The following MACROD2 variants were observed in gnomAD, a reference collection of about 807,000 sequenced individuals.
MACROD2 encodes the protein mono-ADP ribosylhydrolase 2, also known as ADP-ribose glycohydrolase MACROD2.
In MACROD2, 36 loss-of-function variants were observed where a neutral mutation model predicts 70.4. That is an observed-to-expected ratio of 0.51 (90% CI 0.39 to 0.68). MACROD2 has a LOEUF of 0.68. Among genes scored for constraint, MACROD2 ranks in the 30% least tolerant of loss-of-function variants. MACROD2 has a pLI of 0.00. For synonymous variants in MACROD2, 172 were observed against 178.8 expected (o/e 0.96, Z 0.30); for missense variants, 496 against 538.4 (o/e 0.92, Z 0.78).
At chr20:14,671,899 A>T (rs2070799642) in intron 4 of MACROD2, among the ~76,000 whole-genome samples, 1 of 152,174 alleles carries the variant, frequency 6.6e-6, no homozygotes, top group Admixed American at 6.5e-5. Flanking sequence ...CTGACACATG[A>T]ATCTTTCATG....
chr20:15,038,470 A>G (rs2075331093), intron 5 of MACROD2, among the ~76,000 whole-genome samples: 1 of 152,164 alleles, frequency 6.6e-6, no homozygotes, highest in South Asian at 2.1e-4. Flanking sequence ...CAGTGTATTT[A>G]TCTTGTGCTC....
intron 12 of MACROD2, among the ~76,000 whole-genome samples, chr20:15,939,678 C>G (rs1214649006): frequency 6.6e-6 from 1 of 151,630 alleles, no homozygotes; most frequent in African/African-American, 2.4e-5. Flanking sequence ...TCAAGTCTTT[C>G]TATTTAAGAA....
chr20:14,312,626 A>G (rs932564474), intron 3 of MACROD2, among the ~76,000 whole-genome samples: 1 of 151,968 alleles, frequency 6.6e-6, no homozygotes, highest in Non-Finnish European at 1.5e-5. Flanking sequence ...ATCAGATTTC[A>G]GAATCTACAC....
At chr20:15,970,285 G>A (rs2066210435) in intron 13 of MACROD2, among the ~76,000 whole-genome samples, 1 of 152,096 alleles carries the variant, frequency 6.6e-6, no homozygotes, top group Non-Finnish European at 1.5e-5. Flanking sequence ...CAAGGTAAAT[G>A]GTAGTTACTG....
chr20:15,632,211 A>AAAT (rs1264130047), intron 8 of MACROD2, among the ~76,000 whole-genome samples: 1 of 151,618 alleles, frequency 6.6e-6, no homozygotes, highest in East Asian at 1.9e-4. Flanking sequence ...AATAAAAATA[A>AAAT]AATAAATAAA....
intron 3 of MACROD2, among the ~76,000 whole-genome samples, chr20:14,293,118 A>T (rs936658244): frequency 6.6e-6 from 1 of 151,828 alleles, no homozygotes; most frequent in Admixed American, 6.6e-5. Context: ...GAGAGAATAT[A>T]TATTAACACA....
chr20:15,905,688 T>G (rs2065136834), intron 10 of MACROD2, among the ~76,000 whole-genome samples: 1 of 152,236 alleles, frequency 6.6e-6, no homozygotes, highest in Non-Finnish European at 1.5e-5. Flanking sequence ...TGTTGAATTT[T>G]CATGTTACGA....
At chr20:14,109,962 A>T (rs964715901) in intron 3 of MACROD2, among the ~76,000 whole-genome samples, 2 of 152,018 alleles carry the variant, frequency 1.3e-5, no homozygotes, top group Admixed American at 1.3e-4. Flanking sequence ...ATGAATATTG[A>T]TACAAAAATC....
intron 5 of MACROD2, among the ~76,000 whole-genome samples, chr20:14,686,205 C>T (rs919531658): frequency 2.0e-5 from 3 of 151,930 alleles, no homozygotes; most frequent in Non-Finnish European, 4.4e-5. Context: ...TGCTTGAGAC[C>T]AGACATGATT....
chr20:14,801,355 A>G (rs539818367), intron 5 of MACROD2, among the ~76,000 whole-genome samples: 12 of 152,142 alleles, frequency 7.9e-5, no homozygotes, highest in East Asian at 1.9e-4. Flanking sequence ...CATTAGACCA[A>G]TTTGTCCACT....
At chr20:15,699,585 CA>C (rs2050425743) in intron 8 of MACROD2, among the ~76,000 whole-genome samples, 1 of 152,118 alleles carries the variant, frequency 6.6e-6, no homozygotes, top group Non-Finnish European at 1.5e-5. Flanking sequence ...CAGAAAGCAT[CA>C]GAGCCGCCGC....
At chr20:15,031,026 C>T (rs960039625) in intron 5 of MACROD2, among the ~76,000 whole-genome samples, 2 of 152,224 alleles carry the variant, frequency 1.3e-5, no homozygotes, top group Non-Finnish European at 2.9e-5. Context: ...GAGCTAGGCA[C>T]GGAGCAGTGA....
chr20:15,152,063 G>T (rs1047969082), intron 5 of MACROD2, among the ~76,000 whole-genome samples: 2 of 151,968 alleles, frequency 1.3e-5, no homozygotes. Context: ...ATGTGTAAAA[G>T]AATGCCTGGA....
intron 12 of MACROD2, among the ~76,000 whole-genome samples, chr20:15,955,870 T>C (rs2065969871): frequency 1.3e-5 from 2 of 152,176 alleles, no homozygotes; most frequent in African/African-American, 4.8e-5. Context: ...ACCAGGGTAA[T>C]AGGCTGATCT....
chr20:15,886,208 A>G (rs1308395751), intron 10 of MACROD2, among the ~76,000 whole-genome samples: 1 of 152,178 alleles, frequency 6.6e-6, no homozygotes, highest in Non-Finnish European at 1.5e-5. Flanking sequence ...AGCTGGGACC[A>G]TCTGAAGATT....
chr20:15,885,388 T>A (rs531002543), intron 9 of MACROD2, among the ~76,000 whole-genome samples: 73 of 152,274 alleles, frequency 4.8e-4, no homozygotes, highest in Middle Eastern at 3.4e-3. Flanking sequence ...ATACTTGAAG[T>A]GAGCATGCAG....
chr20:14,518,535 T>C (rs1426909280), intron 4 of MACROD2, among the ~76,000 whole-genome samples: 3 of 152,182 alleles, frequency 2.0e-5, no homozygotes, highest in South Asian at 4.1e-4. Context: ...TTAAGATGAA[T>C]CTTCCTATCC....
At chr20:14,932,510 C>A (rs144351177) in intron 5 of MACROD2, among the ~76,000 whole-genome samples, 1 of 152,236 alleles carries the variant, frequency 6.6e-6, no homozygotes, top group East Asian at 1.9e-4. Flanking sequence ...ACTTCCATTT[C>A]ATGTATACCC....
intron 3 of MACROD2, among the ~76,000 whole-genome samples, chr20:14,369,221 CAGTT>C (rs2083300711): frequency 6.6e-6 from 1 of 152,170 alleles, no homozygotes; most frequent in Non-Finnish European, 1.5e-5. Flanking sequence ...AAGGAGTCCT[CAGTT>C]AGAGAAACAA....
Sources: allele counts gnomAD v4.1 joint callset (sites outside exome capture counted in the v4.1 genomes callset), GRCh38; gene constraint gnomAD v4.1.1; transcripts MANE v1.5; gene names NCBI Gene and HGNC (gene_info 2026-07-23, HGNC 2026-07-21).